Variants in ERBB4 observed in about 807,000 individuals in gnomAD.
The protein encoded by ERBB4 is receptor tyrosine-protein kinase erbB-4.
ERBB4 carries 42 observed loss-of-function variants against 158.0 expected under a neutral mutation model. The ratio of observed to expected loss-of-function variants is 0.27; its 90% CI spans 0.21 to 0.34. The LOEUF is 0.34. ERBB4 is among the 10% of genes least tolerant of loss of function. ERBB4 has a pLI of 1.00. For synonymous variants in ERBB4, 583 were observed against 558.7 expected, an observed-to-expected ratio of 1.04 and a Z score of -0.61; for missense variants, 1,333 against 1,624.1, an observed-to-expected ratio of 0.82 and a Z score of 3.08.
intron 1 of ERBB4, among the ~76,000 whole-genome samples, chr2:212,439,768 A>C (rs2092215062): frequency 6.6e-6 from 1 of 152,184 alleles, no homozygotes; most frequent in Admixed American, 6.5e-5. Context: ...TTCTAAGAAG[A>C]TGCAGGTTGT....
intron 19 of ERBB4, among the ~76,000 whole-genome samples, chr2:211,566,746 T>C (rs1037083724): frequency 6.6e-6 from 1 of 152,302 alleles, no homozygotes; most frequent in East Asian, 1.9e-4. Context: ...AAATCATTAA[T>C]TTAATTATAT....
At chr2:212,455,146 T>C (rs566644996) in intron 1 of ERBB4, among the ~76,000 whole-genome samples, 1 of 143,208 alleles carries the variant, frequency 7.0e-6, no homozygotes, top group African/African-American at 2.4e-5. Flanking sequence ...CATTACCTTT[T>C]TCCATTCAAG....
At chr2:212,498,642 A>G (rs759079481) in intron 1 of ERBB4, among the ~76,000 whole-genome samples, 2 of 152,132 alleles carry the variant, frequency 1.3e-5, no homozygotes. Context: ...CCCAAAATGT[A>G]GTGAAATAAT....
intron 3 of ERBB4, among the ~76,000 whole-genome samples, chr2:211,896,544 A>C (rs1387616717): frequency 2.0e-5 from 3 of 151,972 alleles, no homozygotes; most frequent in African/African-American, 7.2e-5. Flanking sequence ...GGATTTCTTT[A>C]TTTCTACCTT....
At chr2:211,861,084 TAAAA>T (rs1559585684) in intron 3 of ERBB4, among the ~76,000 whole-genome samples, 1,723 of 42,038 alleles carry the variant, frequency 0.041, 208 homozygotes, top group East Asian at 0.07. Flanking sequence ...TTATATATTA[TAAAA>T]TATATAAATA....
chr2:212,233,452 C>A (rs182192955), intron 1 of ERBB4, among the ~76,000 whole-genome samples: 1 of 152,006 alleles, frequency 6.6e-6, no homozygotes, highest in Admixed American at 6.6e-5. Context: ...GAAATGATTA[C>A]GTTAGCCTCC....
intron 20 of ERBB4, among the ~76,000 whole-genome samples, chr2:211,465,695 CA>C (rs2064665451): frequency 1.3e-5 from 2 of 152,112 alleles, no homozygotes; most frequent in Admixed American, 1.3e-4. Context: ...CAACAAAATA[CA>C]GGACAAAGAA....
chr2:211,876,128 A>G (rs1183256363), intron 3 of ERBB4, among the ~76,000 whole-genome samples: 1 of 152,190 alleles, frequency 6.6e-6, no homozygotes, highest in Admixed American at 6.5e-5. Context: ...CTCTTCACTT[A>G]CTTCAGTGAC....
intron 22 of ERBB4, among the ~76,000 whole-genome samples, chr2:211,426,663 G>GA (rs2063635279): frequency 6.6e-6 from 1 of 151,168 alleles, no homozygotes; most frequent in Admixed American, 6.6e-5. Context: ...TATATATCTT[G>GA]AGCTAATTTA....
At chr2:211,861,142 A>AT (rs2078033668) in intron 3 of ERBB4, among the ~76,000 whole-genome samples, 1 of 57,210 alleles carries the variant, frequency 1.7e-5, no homozygotes, top group South Asian at 4.8e-4. Context: ...ATATATATAT[A>AT]TATATATATA....
chr2:211,942,374 T>A (rs961302297), intron 3 of ERBB4, among the ~76,000 whole-genome samples: 2 of 133,644 alleles, frequency 1.5e-5, no homozygotes, highest in African/African-American at 6.1e-5. Flanking sequence ...TTATTTATTT[T>A]GGGACAGGGT....
In ERBB4 at chr2:211,551,487, A is replaced by T. The variant is rs148210415; in HGVS notation, c.2487+10416T>A. 9.1e-3 allele frequency among the ~76,000 whole-genome samples: 1,378 copies of T among 152,218 alleles called. 22 individuals are homozygous for T. The highest frequency in any genetic ancestry group is 0.031 in the African/African-American group (1,302 of 41,540). The stretch of plus-strand genomic sequence containing the variant: ...TATCGTGCCTTTATAAAATATAAAA[A>T]TTTTTCTGTGTCCAAATATACCCAA... On this transcript the variant is annotated intron_variant, in intron 20 of 27. Transcript: ENST00000342788.
At chr2:212,095,276 C>A (rs186355648) in intron 2 of ERBB4, among the ~76,000 whole-genome samples, 29 of 152,254 alleles carry the variant, frequency 1.9e-4, no homozygotes, top group Admixed American at 1.7e-3. Flanking sequence ...TGTTATTCCC[C>A]CACTTATTAA....
intron 2 of ERBB4, among the ~76,000 whole-genome samples, chr2:212,107,738 G>A (rs1482525349): frequency 6.6e-6 from 1 of 152,162 alleles, no homozygotes; most frequent in African/African-American, 2.4e-5. Context: ...GACCTGGTGG[G>A]AGGTAATTGA....
At chr2:212,150,392 C>G (rs930198208) in intron 1 of ERBB4, among the ~76,000 whole-genome samples, 1 of 152,180 alleles carries the variant, frequency 6.6e-6, no homozygotes, top group Non-Finnish European at 1.5e-5. Flanking sequence ...TTACCTACTT[C>G]AGAATAATTT....
At chr2:211,725,245 C>T (rs1267468983) in intron 5 of ERBB4, 51 bp from the exon 6 acceptor site, 1 of 1,393,554 alleles carries the variant, frequency 7.2e-7, no homozygotes, top group Non-Finnish European at 1.0e-6. Context: ...CCAGGAGAAA[C>T]TCATAAGCTG....
At chr2:211,819,577 G>T (rs1291053699) in intron 3 of ERBB4, among the ~76,000 whole-genome samples, 1 of 151,950 alleles carries the variant, frequency 6.6e-6, no homozygotes, top group Admixed American at 6.6e-5. Flanking sequence ...AGTACACATA[G>T]CATAAATTAA....
rs113400779 is a variant in ERBB4, at chr2:211,610,438, A to G, written c.2301+8739T>C. Among the ~76,000 whole-genome samples the G allele has an allele frequency of 3.7e-3, 563 of 152,244 alleles. 3 individuals carry two copies. Among genetic ancestry groups the G allele is most frequent in the African/African-American group, 0.013 (524 of 41,542 alleles). On this transcript the variant is annotated intron_variant, in intron 19 of 27. Coordinates refer to ENST00000342788, the MANE Select transcript of ERBB4 (RefSeq NM_005235.3). ...ACCATTGAGGTTTGACATATTGGAAATTGCTGATATTTTGGAAATTCTATT... is the reference window on the plus strand; with the variant it reads ...ACCATTGAGGTTTGACATATTGGAAGTTGCTGATATTTTGGAAATTCTATT...
At chr2:211,978,392 G>GTCTATCTATCTA (rs1165469722) in intron 2 of ERBB4, among the ~76,000 whole-genome samples, 252 of 102,238 alleles carry the variant, frequency 2.5e-3, no homozygotes, top group Non-Finnish European at 3.5e-3. Context: ...CTGTCTGTCT[G>GTCTATCTATCTA]TCTGTCTATC....
Sources: allele counts gnomAD v4.1 joint callset (sites outside exome capture counted in the v4.1 genomes callset), GRCh38; gene constraint gnomAD v4.1.1; transcripts MANE v1.5; gene names NCBI Gene and HGNC (gene_info 2026-07-23, HGNC 2026-07-21).